The following GLP1R variants were observed in gnomAD, a reference collection of about 807,000 sequenced individuals.
The protein encoded by GLP1R is glucagon like peptide 1 receptor.
In GLP1R, 32 loss-of-function variants were observed where a neutral mutation model predicts 68.4. That is an observed-to-expected ratio of 0.47 (90% confidence interval 0.35 to 0.63). GLP1R has a LOEUF of 0.63. Ranked by LOEUF, GLP1R falls within the 20% of genes least tolerant of loss-of-function variation. The pLI is 0.00. For synonymous variants in GLP1R, 263 were observed against 244.4 expected (o/e 1.08, Z -0.71); for missense variants, 502 against 594.9 (o/e 0.84, Z 1.62).
At chr6:39,059,658 A>T (rs1768309579) in intron 3 of GLP1R, among the ~76,000 whole-genome samples, 1 of 152,122 alleles carries the variant, frequency 6.6e-6, no homozygotes, top group Admixed American at 6.5e-5. Flanking sequence ...GAGAAATGGT[A>T]GCTGTTAATT....
At chr6:39,073,037 G>T (rs200669331) in intron 6 of GLP1R, 22 bp downstream of exon 6, 2 of 1,606,114 alleles carry the variant, frequency 1.2e-6, no homozygotes, top group Non-Finnish European at 1.7e-6. Flanking sequence ...ATCCAGGACC[G>T]CCTCAGGAGG....
intron 1 of GLP1R, among the ~76,000 whole-genome samples, chr6:39,054,971 T>C (rs1314442089): frequency 6.6e-6 from 1 of 152,254 alleles, no homozygotes; most frequent in Non-Finnish European, 1.5e-5. Context: ...TTGTTCTTTT[T>C]TTCCCCAAGC....
At chr6:39,055,942 C>G (rs1686674784) in intron 1 of GLP1R, among the ~76,000 whole-genome samples, 4 of 152,132 alleles carry the variant, frequency 2.6e-5, no homozygotes, top group Admixed American at 1.3e-4. Context: ...GATTCAGTTC[C>G]TCTCCCACTC....
chr6:39,055,305 T>G (rs967260076), intron 1 of GLP1R, among the ~76,000 whole-genome samples: 1 of 152,270 alleles, frequency 6.6e-6, no homozygotes. Flanking sequence ...TTTTAAATTA[T>G]GTATGGGTCC....
At chr6:39,053,331 T>C (rs948315752) in intron 1 of GLP1R, among the ~76,000 whole-genome samples, 3 of 152,200 alleles carry the variant, frequency 2.0e-5, no homozygotes, top group African/African-American at 7.2e-5. Context: ...TCACAGGGCA[T>C]GGGGTCCAAA....
At chr6:39,082,805 G>A (rs573605171) in intron 12 of GLP1R, among the ~76,000 whole-genome samples, 1 of 152,216 alleles carries the variant, frequency 6.6e-6, no homozygotes, top group Non-Finnish European at 1.5e-5. Flanking sequence ...GCAGAGGCCT[G>A]TAGGGAGAGA....
chr6:39,067,768 T>C (rs1356640241), intron 5 of GLP1R, among the ~76,000 whole-genome samples: 2 of 152,220 alleles, frequency 1.3e-5, no homozygotes, highest in Non-Finnish European at 2.9e-5. Flanking sequence ...AAAGTCTAAG[T>C]CCAAAGTCTC....
rs773092942 is a variant in GLP1R, at chr6:39,091,215, G to A, written c.*5142G>A. The stretch of plus-strand genomic sequence containing the variant: ...AGCTTCTATAGGTAGCGAATGTGTA[G>A]GTCATATAATTCCTTGTACAGATGT... On this transcript the variant is annotated 3_prime_UTR_variant, in exon 13 of 13. Coordinates refer to ENST00000373256, the MANE Select transcript of GLP1R (RefSeq NM_002062.5). 6.6e-6 allele frequency among the ~76,000 whole-genome samples: 1 copy of A among 152,182 alleles called. No individual in the cohort carries two copies. Among genetic ancestry groups the A allele is most frequent in the Non-Finnish European group, 1.5e-5 (1 of 68,034 alleles).
At chr6:39,050,416 T>A (rs1768059461) in intron 1 of GLP1R, among the ~76,000 whole-genome samples, 1 of 152,212 alleles carries the variant, frequency 6.6e-6, no homozygotes, top group African/African-American at 2.4e-5. Flanking sequence ...GGAAAGTTTC[T>A]GTGAGCTGTC....
intron 1 of GLP1R, among the ~76,000 whole-genome samples, chr6:39,050,204 C>T (rs1768054376): frequency 6.6e-6 from 1 of 152,314 alleles, no homozygotes; most frequent in East Asian, 1.9e-4. Context: ...ACAGCGCCCC[C>T]AGCCAGGCCT....
rs201410487 is a variant in GLP1R, at chr6:39,079,540, C to T, written c.1044-24C>T. The T allele has an allele frequency of 1.8e-5, 28 of 1,566,534 alleles. No individual in the cohort carries two copies. The highest frequency in any genetic ancestry group is 2.8e-5 in the African/African-American group (2 of 72,614). ...TCCATGGGAGAGGTCCAGAATGACT[C>T]GAGATCTCTGCCCTGCCCCTCAGAC... On this transcript the variant is annotated intron_variant, in intron 10 of 12. Coordinates refer to ENST00000373256, the MANE Select transcript of GLP1R (RefSeq NM_002062.5). The surrounding 1 kb of genome is among the most constrained non-coding windows in gnomAD (Gnocchi z 4.5).
At chr6:39,082,084 A>C (rs60802232) in intron 12 of GLP1R, among the ~76,000 whole-genome samples, 11,314 of 152,172 alleles carry the variant, frequency 0.074, 1,329 homozygotes, top group African/African-American at 0.25. Flanking sequence ...ATTTCAGAGG[A>C]TGCCGTGCAG....
Position 39,078,355 on chromosome 6 carries a change from T to C in GLP1R, c.857T>C (p.Ile286Thr), listed in dbSNP as rs1307781425. The C allele has an allele frequency of 1.9e-6, 3 of 1,613,004 alleles. No homozygotes were observed. Among genetic ancestry groups the C allele is most frequent in the South Asian group, 2.2e-5 (2 of 91,042 alleles). The change falls in exon 8 of 13, where the codon ATT becomes ACT. Residue 286 changes from isoleucine (I) to threonine (T), a missense_variant. Transcript: ENST00000373256. ...CTGCTGTTTGTTGTCCCCTGGGGCA[T>C]TGTCAAGTACCTCTATGAGGACGAG... ...VPLLFVVPWGIVKYLYEDEGC... is the reference protein window; with the variant it reads ...VPLLFVVPWGTVKYLYEDEGC...
At chr6:39,075,774 T>C (rs972259522) in intron 7 of GLP1R, among the ~76,000 whole-genome samples, 1 of 152,160 alleles carries the variant, frequency 6.6e-6, no homozygotes, top group Non-Finnish European at 1.5e-5. Flanking sequence ...AAATTAGGAC[T>C]CTGACACAGT....
At chr6:39,057,375 T>C (rs923703554) in intron 2 of GLP1R, 97 bp from the exon 3 acceptor site, 4 of 759,444 alleles carry the variant, frequency 5.3e-6, no homozygotes, top group Middle Eastern at 2.3e-4. Flanking sequence ...GTTAGTGGCA[T>C]GCAGCCTCCG....
chr6:39,075,085 C>T (rs534823342), intron 7 of GLP1R, among the ~76,000 whole-genome samples: 321 of 152,340 alleles, frequency 2.1e-3, no homozygotes, highest in African/African-American at 7.1e-3. Flanking sequence ...TCTGGGCCTG[C>T]GGCCATCATG....
At position 39,079,023 on chromosome 6, in the gene GLP1R, T is replaced by C; in HGVS notation, c.951T>C (p.Ile317=). 1 of 1,613,860 alleles carries C rather than the reference T, an allele frequency of 6.2e-7. No homozygotes were observed. Among genetic ancestry groups the C allele is most frequent in the Non-Finnish European group, 8.5e-7 (1 of 1,179,748 alleles). The change falls in exon 9 of 13, where the codon ATT becomes ATC. Residue 317 remains isoleucine, a synonymous_variant. Coordinates refer to ENST00000373256, the MANE Select transcript of GLP1R (RefSeq NM_002062.5). The surrounding 1 kb of genome is among the most constrained non-coding windows in gnomAD (Gnocchi z 4.5). Reference sequence around the variant, plus strand: ...TCCGGCTGCCCATTCTCTTTGCCATTGGGGTGAGTGATGGTGTCAGGGATG... The same window carrying C: ...TCCGGCTGCCCATTCTCTTTGCCATCGGGGTGAGTGATGGTGTCAGGGATG... The part of the protein sequence containing the change: ...LIIRLPILFA[I]GVNFLIFVRV...
chr6:39,063,481 A>G (rs982267396), intron 3 of GLP1R, among the ~76,000 whole-genome samples: 2 of 152,174 alleles, frequency 1.3e-5, no homozygotes, highest in Non-Finnish European at 2.9e-5. Flanking sequence ...CACTGCTGTC[A>G]GTTTCACCAT....
In GLP1R at chr6:39,090,780, A is replaced by T. The variant is rs1769261955; in HGVS notation, c.*4707A>T. On this transcript the variant is annotated 3_prime_UTR_variant, in exon 13 of 13. Transcript: ENST00000373256. ...AAAACATATCTAAATGAGAATGTTT[A>T]GATGTGGTGAGAAAAGAGCTCTCAC... is the stretch of plus-strand genomic sequence containing the variant. Among the ~76,000 whole-genome samples, 1 of 152,210 alleles carries T rather than the reference A, an allele frequency of 6.6e-6. No homozygotes were observed. Among genetic ancestry groups the T allele is most frequent in the African/African-American group, 2.4e-5 (1 of 41,456 alleles).
Sources: allele counts gnomAD v4.1 joint callset (sites outside exome capture counted in the v4.1 genomes callset), GRCh38; gene constraint gnomAD v4.1.1; non-coding constraint Gnocchi (gnomAD v3.1); transcripts MANE v1.5; gene names NCBI Gene and HGNC (gene_info 2026-07-23, HGNC 2026-07-21).